ZKSCAN1: variants seen among roughly 807,000 people sequenced by gnomAD.
The protein encoded by ZKSCAN1 is zinc finger with KRAB and SCAN domains 1, also known as zinc finger protein with KRAB and SCAN domains 1.
In ZKSCAN1, 14 loss-of-function variants were observed where a neutral mutation model predicts 51.6. The ratio of observed to expected loss-of-function variants is 0.27; its 90% confidence interval spans 0.18 to 0.42. ZKSCAN1 has a LOEUF of 0.42. Ranked by LOEUF, ZKSCAN1 falls within the 10% of genes least tolerant of loss-of-function variation. The probability of loss-of-function intolerance (pLI) is 1.00; values close to 1 mark genes in which losing one functional copy is unlikely to be tolerated. For synonymous variants in ZKSCAN1, 263 were observed against 261.5 expected (o/e 1.01, Z -0.06); for missense variants, 531 against 710.0 (o/e 0.75, Z 2.86).
Position 100,034,048 on chromosome 7 carries a change from A to G in ZKSCAN1, c.1543A>G (p.Lys515Glu), listed in dbSNP as rs770594401. The change falls in exon 6 of 6, where the codon AAG (lysine) becomes GAG (glutamate). Residue 515 changes from lysine (K) to glutamate (E), a missense_variant. Physicochemically the swap from Lys to Glu is moderately conservative, Grantham distance 56. Around this residue, in one of 2 missense-constraint regions of ZKSCAN1, gnomAD observed 128 missense variants for 219.5 expected, o/e 0.58. Coordinates refer to ENST00000324306, the MANE Select transcript of ZKSCAN1 (RefSeq NM_003439.4). Reference protein sequence around the residue: ...ILHRRIHTREKPYKCTKCGKA... With the variant: ...ILHRRIHTREEPYKCTKCGKA... The stretch of plus-strand genomic sequence containing the variant: ...GCATCGGAGAATTCACACTCGAGAA[A>G]AGCCCTACAAGTGCACTAAGTGTGG... The G allele has an allele frequency of 1.9e-6, 3 of 1,614,136 alleles. No homozygotes were observed. The highest frequency in any genetic ancestry group is 1.1e-5 in the South Asian group (1 of 91,078).
At position 100,040,938 on chromosome 7, in the gene ZKSCAN1, T is replaced by C. The variant is rs1211002695; in HGVS notation, c.*6741T>C. The C allele has an allele frequency of 1.0e-5, 10 of 985,260 alleles. No homozygotes were observed. The highest frequency in any genetic ancestry group is 1.7e-5 in the African/African-American group (1 of 57,212). 61.0% of individuals were successfully genotyped at this position (985,260 alleles called of 1,614,324 possible). A position where few individuals can be genotyped will look rare whatever the true frequency, so the allele number is the denominator to read the frequency against. ...GGTGGGAGGAGACAGGTTGTGGTTA[T>C]GCAGGAAAATCTTGTCCTAAAAATA... On this transcript the variant is annotated 3_prime_UTR_variant, in exon 6 of 6. Transcript: ENST00000324306.
In ZKSCAN1 at chr7:100,038,557, G is replaced by T; in HGVS notation, c.*4360G>T. 2.0e-6 allele frequency: 2 copies of T among 985,484 alleles called. No individual in the cohort carries two copies. The highest frequency in any genetic ancestry group is 1.1e-4 in the East Asian group (1 of 8,816). The allele number at this position is 985,484 out of a possible 1,614,324, so 61.0% of individuals were successfully genotyped here. ...GTGACCACTGTGTGCAAAGGGGATG[G>T]ATTCTCTTGTCAGTAGACGGTCTTC... is the stretch of plus-strand genomic sequence containing the variant. On this transcript the variant is annotated 3_prime_UTR_variant, in exon 6 of 6. Transcript: ENST00000324306.
At position 100,035,993 on chromosome 7, in the gene ZKSCAN1, C is replaced by T. The variant is rs1232189319; in HGVS notation, c.*1796C>T. On this transcript the variant is annotated 3_prime_UTR_variant, in exon 6 of 6. Coordinates refer to ENST00000324306, the MANE Select transcript of ZKSCAN1 (RefSeq NM_003439.4). Reference sequence around the variant, plus strand: ...TGTGACCTCCCCATAACAAGAGAACCCCATATATAGTTTGAGACTTTCCCT... The same window carrying T: ...TGTGACCTCCCCATAACAAGAGAACTCCATATATAGTTTGAGACTTTCCCT... The T allele has an allele frequency of 2.0e-6, 2 of 985,244 alleles. No individual in the cohort carries two copies. Among genetic ancestry groups the T allele is most frequent in the Admixed American group, 1.2e-4 (2 of 16,252 alleles). The allele number at this position is 985,244 out of a possible 1,614,324, so 61.0% of individuals were successfully genotyped here. A position where few individuals can be genotyped will look rare whatever the true frequency, so the allele number is the denominator to read the frequency against.
Position 100,039,227 on chromosome 7 carries a change from A to T in ZKSCAN1, c.*5030A>T. Reference sequence around the variant, plus strand: ...CTCAGGAGGCTGAGGCAGGAGAATCACCTAAATCTGGGAGGCAGAGGTTGC... The same window carrying T: ...CTCAGGAGGCTGAGGCAGGAGAATCTCCTAAATCTGGGAGGCAGAGGTTGC... On this transcript the variant is annotated 3_prime_UTR_variant, in exon 6 of 6. Transcript: ENST00000324306. The T allele has an allele frequency of 6.8e-6, 5 of 735,844 alleles. No individual in the cohort carries two copies. Among genetic ancestry groups the T allele is most frequent in the Non-Finnish European group, 8.3e-6 (5 of 603,014 alleles). The allele number at this position is 735,844 out of a possible 1,614,324, so 45.6% of individuals were successfully genotyped here.
rs1033246852 is a variant in ZKSCAN1, at chr7:100,039,928, C to T, written c.*5731C>T. 6.1e-6 allele frequency: 6 copies of T among 976,934 alleles called. No homozygotes were observed. Among genetic ancestry groups the T allele is most frequent in the Non-Finnish European group, 7.3e-6 (6 of 823,388 alleles). The allele number at this position is 976,934 out of a possible 1,614,324, so 60.5% of individuals were successfully genotyped here. A position where few individuals can be genotyped will look rare whatever the true frequency, so the allele number is the denominator to read the frequency against. On this transcript the variant is annotated 3_prime_UTR_variant, in exon 6 of 6. Transcript: ENST00000324306. Reference sequence around the variant, plus strand: ...TTAGGGTAGATTTTTATTTCAACTACTACTGGAGAATTTAATAAAAGGCAT... The same window carrying T: ...TTAGGGTAGATTTTTATTTCAACTATTACTGGAGAATTTAATAAAAGGCAT...
Position 100,037,716 on chromosome 7 carries a change from G to A in ZKSCAN1, c.*3519G>A. 1.0e-6 allele frequency: 1 copy of A among 985,448 alleles called. No homozygotes were observed. The highest frequency in any genetic ancestry group is 1.2e-6 in the Non-Finnish European group (1 of 829,932). The allele number at this position is 985,448 out of a possible 1,614,324, so 61.0% of individuals were successfully genotyped here. On this transcript the variant is annotated 3_prime_UTR_variant, in exon 6 of 6. Coordinates refer to ENST00000324306, the MANE Select transcript of ZKSCAN1 (RefSeq NM_003439.4). ...AATCGTGATGAATTTGAGAAACATT[G>A]CAAGAGGGAGCTCAATCTTGGCCGG...
rs527886870 is a variant in ZKSCAN1, at chr7:100,036,635, T to G, written c.*2438T>G. On this transcript the variant is annotated 3_prime_UTR_variant, in exon 6 of 6. Coordinates refer to ENST00000324306, the MANE Select transcript of ZKSCAN1 (RefSeq NM_003439.4). ...TGGGAGGCTGAGGCAGGAGAATCACTTGAACCCAGGAGGCAGAGGTTGCAG... is the reference window on the plus strand; with the variant it reads ...TGGGAGGCTGAGGCAGGAGAATCACGTGAACCCAGGAGGCAGAGGTTGCAG... The G allele has an allele frequency of 1.5e-5, 12 of 806,890 alleles. No homozygotes were observed. In the East Asian group the frequency reaches 1.3e-3, roughly 85 times the overall value. 50.0% of individuals were successfully genotyped at this position (806,890 alleles called of 1,614,324 possible). A position where few individuals can be genotyped will look rare whatever the true frequency, so the allele number is the denominator to read the frequency against.
Position 100,034,303 on chromosome 7 carries a change from A to G in ZKSCAN1, c.*106A>G. 6.7e-7 allele frequency: 1 copy of G among 1,482,320 alleles called. No homozygotes were observed. The highest frequency in any genetic ancestry group is 1.4e-5 in the South Asian group (1 of 69,198). The allele number at this position is 1,482,320 out of a possible 1,614,324, so 91.8% of individuals were successfully genotyped here. A position where few individuals can be genotyped will look rare whatever the true frequency, so the allele number is the denominator to read the frequency against. On this transcript the variant is annotated 3_prime_UTR_variant, in exon 6 of 6. Coordinates refer to ENST00000324306, the MANE Select transcript of ZKSCAN1 (RefSeq NM_003439.4). ...AAATACAGCCTCAACAGATTAAAAA[A>G]CAAAAGTCACACTTAAGGATCCTTC...
intron 1 of ZKSCAN1, among the ~76,000 whole-genome samples, chr7:100,016,596 A>G (rs1053958368): frequency 2.0e-5 from 3 of 152,196 alleles, no homozygotes; most frequent in Admixed American, 2.0e-4. Flanking sequence ...CGACTTCGAA[A>G]TGATTTGGTC....
chr7:100,026,799 G>T (rs1790856064), intron 3 of ZKSCAN1, among the ~76,000 whole-genome samples: 1 of 152,048 alleles, frequency 6.6e-6, no homozygotes, highest in East Asian at 1.9e-4. Flanking sequence ...TGAACTTTTT[G>T]ATTTTTTTAA....
intron 5 of ZKSCAN1, among the ~76,000 whole-genome samples, chr7:100,031,763 C>A (rs191682640): frequency 6.6e-6 from 1 of 152,268 alleles, no homozygotes; most frequent in East Asian, 1.9e-4. Context: ...CTGAAGATTC[C>A]TGTAGCCTGC....
intron 3 of ZKSCAN1, 67 bp from the exon 4 acceptor site, chr7:100,029,794 C>T (rs900023946): frequency 2.8e-5 from 41 of 1,471,692 alleles, no homozygotes; most frequent in Non-Finnish European, 3.6e-5. Context: ...GAACATGCCC[C>T]GAGCCCTTCT....
chr7:100,033,456 A>G lies in ZKSCAN1; in HGVS notation c.951A>G (p.Lys317=), dbSNP rs774754211. The G allele has an allele frequency of 9.3e-6, 15 of 1,613,946 alleles. No homozygotes were observed. Among genetic ancestry groups the G allele is most frequent in the Non-Finnish European group, 1.3e-5 (15 of 1,180,016 alleles). Residue 317 remains lysine (K), a synonymous_variant, in exon 6 of 6, where the codon AAA becomes AAG. Coordinates refer to ENST00000324306, the MANE Select transcript of ZKSCAN1 (RefSeq NM_003439.4). This position sits in a 1 kb window ranked among gnomAD's most constrained non-coding sequence, Gnocchi z 4.1. The stretch of plus-strand genomic sequence containing the variant: ...GCAAAACAGGAGAAAGACAGCAGAA[A>G]AACCCTGAGGAGAAAACCAGGAAAG... ...QEGKTGERQQ[K]NPEEKTRKEK...
chr7:100,043,938 A>C (rs999975426), downstream of ZKSCAN1, among the ~76,000 whole-genome samples: 6 of 151,440 alleles, frequency 4.0e-5, no homozygotes, highest in Non-Finnish European at 8.8e-5. Flanking sequence ...CACTACACCC[A>C]GCTAATTTTT....
chr7:100,015,798 C>A (rs1790332488), intron 1 of ZKSCAN1, 72 bp downstream of exon 1: 1 of 152,370 alleles, frequency 6.6e-6, no homozygotes, highest in African/African-American at 2.4e-5. Context: ...GTGGGCTCCG[C>A]AGCTGCGGCC....
intron 1 of ZKSCAN1, among the ~76,000 whole-genome samples, chr7:100,021,127 T>C (rs552877910): frequency 1.4e-5 from 2 of 141,686 alleles, no homozygotes; most frequent in Admixed American, 7.1e-5. Flanking sequence ...TTTTTTTTTT[T>C]TTTTTTTTTT....
chr7:100,018,295 G>C (rs191279234), intron 1 of ZKSCAN1, among the ~76,000 whole-genome samples: 3 of 152,290 alleles, frequency 2.0e-5, no homozygotes, highest in African/African-American at 7.2e-5. Flanking sequence ...TGAAACTGAG[G>C]CTTGCAAGGA....
rs771644770 is a variant in ZKSCAN1 at position 100,029,890 on chromosome 7, C to G, written c.610C>G (p.Pro204Ala). 1 of 1,614,196 alleles carries G rather than the reference C, an allele frequency of 6.2e-7. No homozygotes were observed. Among genetic ancestry groups the G allele is most frequent in the East Asian group, 2.2e-5 (1 of 44,882 alleles). The change falls in exon 4 of 6, where the codon CCT becomes GCT. Residue 204 changes from proline to alanine, a missense_variant. Pro to Ala is a conservative substitution (Grantham distance 27). Coordinates refer to ENST00000324306, the MANE Select transcript of ZKSCAN1 (RefSeq NM_003439.4). ...TCCTGCTGCCCACATTCCTGCACCC[C>G]CTCATGAGGGTAGTCCCAGAGACCA... ...ALPAAHIPAP[P>A]HEGSPRDQAM...
rs1791022544 is a variant in ZKSCAN1 at position 100,029,786 on chromosome 7, A to G, written c.581-75A>G. 5.0e-6 allele frequency: 7 copies of G among 1,388,206 alleles called. 1 individual carries two copies. Among genetic ancestry groups the G allele is most frequent in the South Asian group, 2.4e-5 (2 of 81,810 alleles). 86.0% of individuals were successfully genotyped at this position (1,388,206 alleles called of 1,614,324 possible). Reference sequence around the variant, plus strand: ...AGTGAACATGCTGGTGCAGGAAGGAACATGCCCCGAGCCCTTCTTTGAGCA... The same window carrying G: ...AGTGAACATGCTGGTGCAGGAAGGAGCATGCCCCGAGCCCTTCTTTGAGCA... On this transcript the variant is annotated intron_variant, in intron 3 of 5. Transcript: ENST00000324306.
Sources: gnomAD v4.1 joint callset for allele counts (sites outside exome capture counted in the v4.1 genomes callset) on GRCh38, gnomAD v4.1.1 for gene constraint, gnomAD v4.1.1 regional missense constraint, Gnocchi (gnomAD v3.1) non-coding constraint, MANE v1.5 for transcripts, NCBI Gene and HGNC (gene_info 2026-07-23, HGNC 2026-07-21) for gene names.